Variants in EYS observed in about 807,000 individuals in gnomAD.
EYS encodes the protein protein eyes shut homolog.
In EYS, 250 loss-of-function variants were observed where a neutral mutation model predicts 282.1. The ratio of observed to expected loss-of-function variants is 0.89; its 90% CI spans 0.80 to 0.98. The LOEUF (loss-of-function observed/expected upper bound fraction) is 0.98, where lower values mean the gene tolerates loss of function less well. Among genes scored for constraint, EYS ranks in the 50% least tolerant of loss-of-function variants. The pLI is 0.00. For missense variants in EYS, 4,016 were observed against 3,709.0 expected, an observed-to-expected ratio of 1.08 and a Z score of -2.15; for synonymous variants, 1,355 against 1,282.9, an observed-to-expected ratio of 1.06 and a Z score of -1.20.
intron 22 of EYS, among the ~76,000 whole-genome samples, chr6:64,712,878 C>T (rs998413000): frequency 6.6e-6 from 1 of 152,114 alleles, no homozygotes; most frequent in Admixed American, 6.6e-5. Context: ...GCCAAATTCT[C>T]AAAGGCAATG....
intron 35 of EYS, among the ~76,000 whole-genome samples, chr6:63,888,727 C>T (rs976402909): frequency 3.3e-5 from 5 of 152,224 alleles, no homozygotes; most frequent in Non-Finnish European, 7.3e-5. Flanking sequence ...CAGAATGCCT[C>T]TTCTCCCCCA....
intron 12 of EYS, among the ~76,000 whole-genome samples, chr6:65,107,635 T>G (rs1436837679): frequency 1.3e-5 from 2 of 151,518 alleles, no homozygotes; most frequent in East Asian, 3.9e-4. Flanking sequence ...ACTACAAAAC[T>G]AAAATCCAGG....
At chr6:64,497,833 G>GAAGA (rs1444893135) in intron 26 of EYS, among the ~76,000 whole-genome samples, 1 of 152,056 alleles carries the variant, frequency 6.6e-6, no homozygotes, top group African/African-American at 2.4e-5. Context: ...CAAAAGGAAG[G>GAAGA]AAGAAGAAAG....
chr6:64,313,122 C>T (rs1276146363), intron 29 of EYS, among the ~76,000 whole-genome samples: 1 of 152,184 alleles, frequency 6.6e-6, no homozygotes, highest in Non-Finnish European at 1.5e-5. Flanking sequence ...TGCAAGGAAG[C>T]TAAGAACCTT....
chr6:63,998,666 C>A (rs1486097730), intron 34 of EYS, among the ~76,000 whole-genome samples: 1 of 152,042 alleles, frequency 6.6e-6, no homozygotes, highest in African/African-American at 2.4e-5. Context: ...AATTTTCTGG[C>A]CAATGCAAAT....
At chr6:64,779,729 G>A (rs961400491) in intron 22 of EYS, among the ~76,000 whole-genome samples, 1 of 152,118 alleles carries the variant, frequency 6.6e-6, no homozygotes, top group Admixed American at 6.5e-5. Flanking sequence ...TGGGGTGGAA[G>A]GAGGGATATG....
chr6:64,217,331 C>T (rs187339673), intron 31 of EYS, among the ~76,000 whole-genome samples: 11 of 152,182 alleles, frequency 7.2e-5, no homozygotes, highest in Admixed American at 2.0e-4. Flanking sequence ...GAGTTTGAGA[C>T]CAGCCGGGTC....
intron 33 of EYS, among the ~76,000 whole-genome samples, chr6:64,051,657 TATG>T (rs1250768241): frequency 6.6e-6 from 1 of 152,168 alleles, no homozygotes; most frequent in African/African-American, 2.4e-5. Flanking sequence ...AATTTTCACT[TATG>T]ATGACCAGAT....
intron 41 of EYS, 136 bp from the exon 42 acceptor site, chr6:63,726,816 A>C (rs1039872513): frequency 1.4e-6 from 1 of 732,502 alleles, no homozygotes; most frequent in Non-Finnish European, 2.2e-6. Flanking sequence ...AGGTGAGTAC[A>C]TCAAACCTTG....
chr6:63,918,340 G>A (rs191708215), intron 35 of EYS, among the ~76,000 whole-genome samples: 7 of 152,156 alleles, frequency 4.6e-5, no homozygotes, highest in East Asian at 3.9e-4. Flanking sequence ...TAACATGAAC[G>A]CATTGATTAT....
At chr6:65,095,015 A>T (rs1445741226) in intron 12 of EYS, among the ~76,000 whole-genome samples, 1 of 151,376 alleles carries the variant, frequency 6.6e-6, no homozygotes, top group Non-Finnish European at 1.5e-5. Context: ...ATTACAACTG[A>T]TGCTACAGAA....
intron 29 of EYS, among the ~76,000 whole-genome samples, chr6:64,338,238 C>T (rs1391243106): frequency 6.6e-6 from 1 of 151,952 alleles, no homozygotes; most frequent in Non-Finnish European, 1.5e-5. Context: ...ACCCTAAAGA[C>T]TCCTCCAGAA....
At chr6:65,408,686 T>C (rs542844423) in intron 5 of EYS, among the ~76,000 whole-genome samples, 4 of 152,294 alleles carry the variant, frequency 2.6e-5, no homozygotes, top group South Asian at 4.1e-4. Flanking sequence ...TTTTGTTTCA[T>C]TGATTTTCTC....
intron 26 of EYS, among the ~76,000 whole-genome samples, chr6:64,467,465 AAGTATG>A (rs1300744456): frequency 5.3e-5 from 8 of 152,190 alleles, no homozygotes; most frequent in Non-Finnish European, 8.8e-5. Flanking sequence ...ATGTACTAGG[AAGTATG>A]CAATATTCAT....
intron 28 of EYS, among the ~76,000 whole-genome samples, chr6:64,397,730 G>A (rs1214480780): frequency 1.3e-5 from 2 of 151,826 alleles, no homozygotes; most frequent in African/African-American, 2.4e-5. Context: ...TGGCACTGTT[G>A]ATAGTCTCCA....
In EYS at chr6:65,296,062, G is replaced by A. The variant is rs537580485; in HGVS notation, c.1824C>T (p.Cys608=). 2 of 1,550,586 alleles carry A rather than the reference G, an allele frequency of 1.3e-6. No homozygotes were observed. The highest frequency in any genetic ancestry group is 1.2e-5 in the South Asian group (1 of 83,938). ...GCACTGATATACTGTGGTTCCCTAAGCAATAGTCAACATTGACAACACACA... is the reference window on the plus strand; with the variant it reads ...GCACTGATATACTGTGGTTCCCTAAACAATAGTCAACATTGACAACACACA... ...GRLCVVNVDY[C]LGNHSISVHG... The change falls in exon 12 of 43, where the codon TGC becomes TGT. Residue 608 remains cysteine, a synonymous_variant. Coordinates refer to ENST00000503581, the MANE Select transcript of EYS (RefSeq NM_001142800.2).
chr6:63,725,498 T>G (rs1768580515), intron 42 of EYS, among the ~76,000 whole-genome samples: 1 of 152,140 alleles, frequency 6.6e-6, no homozygotes, highest in Admixed American at 6.6e-5. Context: ...GTCTCTTGAT[T>G]TATAAATAGA....
At chr6:64,664,077 G>C (rs9345360) in intron 22 of EYS, among the ~76,000 whole-genome samples, 97,321 of 152,088 alleles carry the variant, frequency 0.64, 31,381 homozygotes, top group African/African-American at 0.71. Context: ...TGCAACGCAG[G>C]GATCAGTAGT....
intron 35 of EYS, among the ~76,000 whole-genome samples, chr6:63,900,605 C>T (rs997208388): frequency 5.9e-5 from 9 of 152,086 alleles, no homozygotes; most frequent in Non-Finnish European, 1.3e-4. Context: ...TATCAGAGAA[C>T]TTGGTGAGGA....
Sources: allele counts gnomAD v4.1 joint callset (sites outside exome capture counted in the v4.1 genomes callset), GRCh38; gene constraint gnomAD v4.1.1; transcripts MANE v1.5; gene names NCBI Gene and HGNC (gene_info 2026-07-23, HGNC 2026-07-21).